Variants in PHIP observed in about 807,000 individuals in gnomAD.
PHIP encodes PH-interacting protein.
Under a neutral mutation model 236.8 loss-of-function variants are expected in PHIP, and 54 were observed. That is an observed-to-expected ratio of 0.23 (90% CI 0.18 to 0.29). PHIP has a LOEUF of 0.29. Among genes scored for constraint, PHIP ranks in the 10% least tolerant of loss-of-function variants. The pLI is 1.00. For missense variants in PHIP, 1,370 were observed against 2,190.8 expected (o/e 0.63, Z 7.48); for synonymous variants, 756 against 718.9 (o/e 1.05, Z -0.83).
At position 79,026,066 on chromosome 6, in the gene PHIP, T is replaced by G. The variant is rs538067188; in HGVS notation, c.699A>C (p.Val233=). 2.5e-6 allele frequency: 4 copies of G among 1,613,998 alleles called. No homozygotes were observed. In the African/African-American group the frequency reaches 5.3e-5, roughly 22 times the overall value. The change falls in exon 8 of 40, where the codon GTA becomes GTC. Residue 233 remains valine, a synonymous_variant. Transcript: ENST00000275034. The stretch of plus-strand genomic sequence containing the variant: ...CTGCTATCATGGTATTCTCATAGTT[T>G]ACAGCCATGTCTGATATTTCAGCAG... ...GHAAEISDMA[V]NYENTMIAAG... is the part of the protein sequence containing the mutation.
intron 15 of PHIP, among the ~76,000 whole-genome samples, chr6:79,013,138 A>G (rs1409928073): frequency 6.6e-6 from 1 of 151,770 alleles, no homozygotes; most frequent in African/African-American, 2.4e-5. Context: ...TGTAATGTAC[A>G]GTTTCTCCAT....
At chr6:79,047,387 A>T (rs1772554581) in intron 6 of PHIP, among the ~76,000 whole-genome samples, 1 of 152,224 alleles carries the variant, frequency 6.6e-6, no homozygotes, top group African/African-American at 2.4e-5. Context: ...TTATCCAATC[A>T]TAATACTAAT....
chr6:78,947,218 T>C (rs557694340), intron 36 of PHIP, among the ~76,000 whole-genome samples: 1 of 152,320 alleles, frequency 6.6e-6, no homozygotes, highest in South Asian at 2.1e-4. Context: ...TAGCATCTAT[T>C]CTTTCTCATT....
intron 9 of PHIP, among the ~76,000 whole-genome samples, chr6:79,024,601 G>A (rs1401081037): frequency 1.3e-5 from 2 of 152,080 alleles, no homozygotes; most frequent in African/African-American, 4.8e-5. Context: ...TCAGGAGATG[G>A]AGACCATCCT....
rs79778297 is a variant in PHIP, at chr6:79,032,109, A to G, written c.601-5945T>C. ...TGCAATAGTATTATGTCTTTAAAAA[A>G]TGGGCATACATTAACTTAAAAATAC... On this transcript the variant is annotated intron_variant, in intron 7 of 39. Coordinates refer to ENST00000275034, the MANE Select transcript of PHIP (RefSeq NM_017934.7). Among the ~76,000 whole-genome samples the G allele has an allele frequency of 5.8e-3, 885 of 152,342 alleles. 13 individuals carry two copies. Among genetic ancestry groups the G allele is most frequent in the African/African-American group, 0.02 (841 of 41,566 alleles).
rs141545945 is a variant in PHIP, at chr6:78,963,796, G to A, written c.3380-544C>T. On this transcript the variant is annotated intron_variant, in intron 29 of 39. Transcript: ENST00000275034. Reference sequence around the variant, plus strand: ...GCTGAGAGAATCACTAGAGGGTTGCGGTAACCCAAAATCTAGAAACGTGCT... The same window carrying A: ...GCTGAGAGAATCACTAGAGGGTTGCAGTAACCCAAAATCTAGAAACGTGCT... Among the ~76,000 whole-genome samples, 105 of 152,200 alleles carry A rather than the reference G, an allele frequency of 6.9e-4. 1 individual carries two copies. In the South Asian group the frequency reaches 8.1e-3, roughly 12 times the overall value.
At position 79,012,041 on chromosome 6, in the gene PHIP, G is replaced by T. The variant is rs1258367197; in HGVS notation, c.1524+3041C>A. Among the ~76,000 whole-genome samples, 3 of 151,328 alleles carry T rather than the reference G, an allele frequency of 2.0e-5. 1 individual carries two copies. On this transcript the variant is annotated intron_variant, in intron 15 of 39. Transcript: ENST00000275034. Reference sequence around the variant, plus strand: ...GAAAGTTCACCTTTTCACTTGAAAGGCTTTTTAACATAACAGGATTTTTGG... The same window carrying T: ...GAAAGTTCACCTTTTCACTTGAAAGTCTTTTTAACATAACAGGATTTTTGG...
At chr6:78,972,591 G>A (rs961867907) in intron 24 of PHIP, among the ~76,000 whole-genome samples, 2 of 152,042 alleles carry the variant, frequency 1.3e-5, no homozygotes, top group Non-Finnish European at 2.9e-5. Flanking sequence ...AGCTACAGGA[G>A]GACATTCAAA....
At chr6:78,964,022 T>A (rs1227461888) in intron 29 of PHIP, among the ~76,000 whole-genome samples, 1 of 152,208 alleles carries the variant, frequency 6.6e-6, no homozygotes, top group Non-Finnish European at 1.5e-5. Flanking sequence ...GTATCACTTA[T>A]TCATTTAAAA....
At chr6:78,951,871 T>C (rs1562119359) in intron 35 of PHIP, among the ~76,000 whole-genome samples, 1 of 152,238 alleles carries the variant, frequency 6.6e-6, no homozygotes, top group Admixed American at 6.5e-5. Flanking sequence ...TGGCTTTGTC[T>C]ATAAATAGCT....
intron 20 of PHIP, among the ~76,000 whole-genome samples, chr6:78,990,084 A>C (rs1359755034): frequency 6.6e-6 from 1 of 152,082 alleles, no homozygotes; most frequent in Non-Finnish European, 1.5e-5. Context: ...AACTCAAATG[A>C]AAAAAAGGAA....
chr6:79,032,501 A>G (rs1456573728), intron 7 of PHIP, among the ~76,000 whole-genome samples: 1 of 152,192 alleles, frequency 6.6e-6, no homozygotes, highest in Non-Finnish European at 1.5e-5. Context: ...ATCTTGACCA[A>G]GAGTAAATTC....
chr6:79,056,402 A>G (rs1254424050), intron 6 of PHIP, among the ~76,000 whole-genome samples: 1 of 152,192 alleles, frequency 6.6e-6, no homozygotes. Context: ...CATGGCAGGA[A>G]AAGTGGGAAA....
intron 19 of PHIP, among the ~76,000 whole-genome samples, chr6:78,994,793 C>G (rs562172566): frequency 6.6e-6 from 1 of 152,130 alleles, no homozygotes; most frequent in South Asian, 2.1e-4. Flanking sequence ...CCATCAACAT[C>G]GAGGCAAGAC....
At chr6:78,942,278 T>A (rs748084090) in intron 39 of PHIP, among the ~76,000 whole-genome samples, 6 of 151,926 alleles carry the variant, frequency 3.9e-5, no homozygotes, top group Non-Finnish European at 8.8e-5. Context: ...AGGTCAGGAG[T>A]TCGAGACCAG....
In PHIP at chr6:78,970,774, G is replaced by C; in HGVS notation, c.2997+7C>G. ...TGGGGCTATTAAATAATAAATCAAT[G>C]TCATACCCGTAGCTCCATTTTATGC... On this transcript the variant is annotated splice_region_variant and intron_variant, in intron 25 of 39. Coordinates refer to ENST00000275034, the MANE Select transcript of PHIP (RefSeq NM_017934.7). 6.5e-7 allele frequency: 1 copy of C among 1,538,296 alleles called. No homozygotes were observed. The highest frequency in any genetic ancestry group is 1.9e-4 in the Middle Eastern group (1 of 5,386).
chr6:78,998,099 G>A (rs928171826), intron 18 of PHIP, among the ~76,000 whole-genome samples, 155 bp downstream of exon 18: 1 of 151,988 alleles, frequency 6.6e-6, no homozygotes, highest in East Asian at 1.9e-4. Flanking sequence ...CATTTTCTTA[G>A]GTCATTAAAT....
intron 7 of PHIP, among the ~76,000 whole-genome samples, chr6:79,033,201 T>C (rs537664991): frequency 2.6e-5 from 4 of 152,324 alleles, no homozygotes; most frequent in South Asian, 4.1e-4. Flanking sequence ...ATAATTCTTA[T>C]GGTCCTAGAA....
intron 4 of PHIP, among the ~76,000 whole-genome samples, chr6:79,063,983 C>T (rs967496029): frequency 1.3e-5 from 2 of 152,030 alleles, no homozygotes; most frequent in Middle Eastern, 3.4e-3. Flanking sequence ...CTCTTCCCCA[C>T]CCCTCATTTT....
Sources: gnomAD v4.1 joint callset for allele counts (sites outside exome capture counted in the v4.1 genomes callset) on GRCh38, gnomAD v4.1.1 for gene constraint, MANE v1.5 for transcripts, NCBI Gene and HGNC (gene_info 2026-07-23, HGNC 2026-07-21) for gene names.